Variants in LOXL3 observed in about 807,000 individuals in gnomAD.
The protein encoded by LOXL3 is lysyl oxidase like 3.
In LOXL3, 60 loss-of-function variants were observed where a neutral mutation model predicts 91.8. That is an observed-to-expected ratio of 0.65 (90% CI 0.53 to 0.81). The LOEUF (loss-of-function observed/expected upper bound fraction) is 0.81, where lower values mean the gene tolerates loss of function less well. Among genes scored for constraint, LOXL3 ranks in the 30% least tolerant of loss-of-function variants. The pLI, the probability that LOXL3 is intolerant of heterozygous loss-of-function variation, is 0.00. For synonymous variants in LOXL3, 355 were observed against 387.6 expected, an observed-to-expected ratio of 0.92 and a Z score of 0.99; for missense variants, 874 against 1,000.4, an observed-to-expected ratio of 0.87 and a Z score of 1.70.
chr2:74,548,590 C>T (rs1196918945), intron 4 of LOXL3, among the ~76,000 whole-genome samples: 2 of 152,012 alleles, frequency 1.3e-5, no homozygotes, highest in Non-Finnish European at 2.9e-5. Context: ...ATTTTTGGCT[C>T]GCAAAATAGA....
At position 74,535,504 on chromosome 2, in the gene LOXL3, G is replaced by C; in HGVS notation, c.1417-50C>G. 1.2e-6 allele frequency: 2 copies of C among 1,612,260 alleles called. No individual in the cohort carries two copies. The highest frequency in any genetic ancestry group is 1.7e-6 in the Non-Finnish European group (2 of 1,179,828). Reference sequence around the variant, plus strand: ...GTAAGGCCCAGGATCCAGCATCTTGGGCCAAGGGACTCATTCCTCAGCCCT... The same window carrying C: ...GTAAGGCCCAGGATCCAGCATCTTGCGCCAAGGGACTCATTCCTCAGCCCT... On this transcript the variant is annotated intron_variant, in intron 8 of 13. Coordinates refer to ENST00000264094, the MANE Select transcript of LOXL3 (RefSeq NM_032603.5). The surrounding 1 kb of genome is among the most constrained non-coding windows in gnomAD (Gnocchi z 4.2).
At chr2:74,539,389 C>G (rs1182774776) in intron 4 of LOXL3, among the ~76,000 whole-genome samples, 2 of 151,982 alleles carry the variant, frequency 1.3e-5, no homozygotes, top group Non-Finnish European at 1.5e-5. Flanking sequence ...AATGGGAAAT[C>G]TAGCGATGTC....
At position 74,549,853 on chromosome 2, in the gene LOXL3, A is replaced by G. The variant is rs2104443273; in HGVS notation, c.478-270T>C. The G allele has an allele frequency of 1.0e-6, 1 of 985,440 alleles. No individual in the cohort carries two copies. Among genetic ancestry groups the G allele is most frequent in the Non-Finnish European group, 1.2e-6 (1 of 829,920 alleles). 61.0% of individuals were successfully genotyped at this position (985,440 alleles called of 1,614,324 possible). On this transcript the variant is annotated intron_variant, in intron 3 of 13. Transcript: ENST00000264094. This position sits in a 1 kb window ranked among gnomAD's most constrained non-coding sequence, Gnocchi z 5.3. ...TGCCTGGAGCAGGAGGGAGCACTTC[A>G]AAAAGGAAATGGCTTTGAAGGAGGA...
At position 74,549,742 on chromosome 2, in the gene LOXL3, G is replaced by A. The variant is rs1676874408; in HGVS notation, c.478-159C>T. The A allele has an allele frequency of 6.9e-7, 1 of 1,440,974 alleles. No individual in the cohort carries two copies. Among genetic ancestry groups the A allele is most frequent in the Non-Finnish European group, 9.1e-7 (1 of 1,096,644 alleles). The allele number at this position is 1,440,974 out of a possible 1,614,324, so 89.3% of individuals were successfully genotyped here. A position where few individuals can be genotyped will look rare whatever the true frequency, so the allele number is the denominator to read the frequency against. ...GCGGCCACGATGGCCGCAGTCCGCG[G>A]TGTGGACTCTCTTGCAGCCAGCAGC... On this transcript the variant is annotated intron_variant, in intron 3 of 13. Coordinates refer to ENST00000264094, the MANE Select transcript of LOXL3 (RefSeq NM_032603.5). This position sits in a 1 kb window ranked among gnomAD's most constrained non-coding sequence, Gnocchi z 5.3.
At chr2:74,555,604 T>C, upstream of LOXL3, 1 of 1,614,174 alleles carries the variant, frequency 6.2e-7, no homozygotes. This position sits in a 1 kb window ranked among gnomAD's most constrained non-coding sequence, Gnocchi z 6.1. Flanking sequence ...CGCCTACCGA[T>C]AACCCACCTA....
chr2:74,535,393 G>A lies in LOXL3; in HGVS notation c.1478C>T (p.Thr493Ile), dbSNP rs1675957153. Residue 493 changes from threonine to isoleucine, a missense_variant, in exon 9 of 14, where the codon ACA becomes ATA. Coordinates refer to ENST00000264094, the MANE Select transcript of LOXL3 (RefSeq NM_032603.5). The surrounding 1 kb of genome is among the most constrained non-coding windows in gnomAD (Gnocchi z 4.2). ...CTGATCCAGGGACAGCTCAGTCCCT[G>A]TGCAGCGCACTCCACTCATCACCAC... is the stretch of plus-strand genomic sequence containing the variant. ...TEVVMSGVRCTGTELSLDQCA... is the reference protein window; with the variant it reads ...TEVVMSGVRCIGTELSLDQCA... 1 of 1,614,108 alleles carries A rather than the reference G, an allele frequency of 6.2e-7. No homozygotes were observed. Among genetic ancestry groups the A allele is most frequent in the South Asian group, 1.1e-5 (1 of 91,088 alleles).
rs1438579657 is a variant in LOXL3 at position 74,550,279 on chromosome 2, C to T, written c.383G>A (p.Gly128Asp). 2.5e-6 allele frequency: 4 copies of T among 1,614,138 alleles called. No individual in the cohort carries two copies. Among genetic ancestry groups the T allele is most frequent in the Non-Finnish European group, 2.5e-6 (3 of 1,179,996 alleles). ...EQSVTECASR[G>D]WGNSDCTHDE... ...GTGCGTACAGTCACTGTTCCCCCAGCCCCGGGAGGCACATTCAGTCACACT... is the reference window on the plus strand; with the variant it reads ...GTGCGTACAGTCACTGTTCCCCCAGTCCCGGGAGGCACATTCAGTCACACT... The change falls in exon 3 of 14, where the codon GGC becomes GAC. Residue 128 changes from glycine (G) to aspartate (D), a missense_variant. By Grantham distance (94) the Gly-to-Asp change is moderately conservative. Coordinates refer to ENST00000264094, the MANE Select transcript of LOXL3 (RefSeq NM_032603.5).
chr2:74,554,543 G>C (rs920803911), upstream of LOXL3: 21 of 576,012 alleles, frequency 3.6e-5, no homozygotes, highest in Non-Finnish European at 6.4e-5. This position sits in a 1 kb window ranked among gnomAD's most constrained non-coding sequence, Gnocchi z 4.9. Context: ...CCCCCACGAC[G>C]GCGGGTAGGG....
At position 74,535,766 on chromosome 2, in the gene LOXL3, A is replaced by G. The variant is rs529643720; in HGVS notation, c.1249-11T>C. The stretch of plus-strand genomic sequence containing the variant: ...CCCACTGAGTCGGATCTGTAGTGAC[A>G]CAGAATGGAAGCGCTGGAGAAAGCT... On this transcript the variant is annotated splice_polypyrimidine_tract_variant and intron_variant, in intron 7 of 13. Transcript: ENST00000264094. This position sits in a 1 kb window ranked among gnomAD's most constrained non-coding sequence, Gnocchi z 4.2. 2.6e-5 allele frequency: 41 copies of G among 1,547,882 alleles called. No homozygotes were observed. In the South Asian group the frequency reaches 4.7e-4, roughly 18 times the overall value.
Position 74,535,874 on chromosome 2 carries a change from G to A in LOXL3, c.1249-119C>T, listed in dbSNP as rs1051154955. Reference sequence around the variant, plus strand: ...TAATGGGCTAGCAAGTGATGGGTCAGGTGGGAGCTGCAGGAGGGCAGGGGC... The same window carrying A: ...TAATGGGCTAGCAAGTGATGGGTCAAGTGGGAGCTGCAGGAGGGCAGGGGC... On this transcript the variant is annotated intron_variant, in intron 7 of 13. Coordinates refer to ENST00000264094, the MANE Select transcript of LOXL3 (RefSeq NM_032603.5). The surrounding 1 kb of genome is among the most constrained non-coding windows in gnomAD (Gnocchi z 4.2). 1.7e-5 allele frequency: 25 copies of A among 1,476,376 alleles called. No homozygotes were observed. Among genetic ancestry groups the A allele is most frequent in the Non-Finnish European group, 2.3e-5 (25 of 1,106,902 alleles). 91.5% of individuals were successfully genotyped at this position (1,476,376 alleles called of 1,614,324 possible). A position where few individuals can be genotyped will look rare whatever the true frequency, so the allele number is the denominator to read the frequency against.
rs1320578947 is a variant in LOXL3, at chr2:74,534,312, T to C, written c.1939+4A>G. 6.2e-7 allele frequency: 1 copy of C among 1,614,204 alleles called. No homozygotes were observed. On this transcript the variant is annotated splice_donor_region_variant and intron_variant, in intron 11 of 13. Transcript: ENST00000264094. ...CATGTGGTTCACTTCAGTCCCCAAC[T>C]CACCCTCCTGACACTCAGTGTCTTC...
At position 74,549,539 on chromosome 2, in the gene LOXL3, G is replaced by T. The variant is rs1427925445; in HGVS notation, c.522C>A (p.Ala174=). 1 of 1,612,222 alleles carries T rather than the reference G, an allele frequency of 6.2e-7. No individual in the cohort carries two copies. The highest frequency in any genetic ancestry group is 1.7e-5 in the Admixed American group (1 of 59,954). The change falls in exon 4 of 14, where the codon GCC becomes GCA. Residue 174 remains alanine, a synonymous_variant. Coordinates refer to ENST00000264094, the MANE Select transcript of LOXL3 (RefSeq NM_032603.5). This position sits in a 1 kb window ranked among gnomAD's most constrained non-coding sequence, Gnocchi z 5.3. Reference sequence around the variant, plus strand: ...GCAGGGGTCGTCTGCCCCACCCAACGGCGGGTCGAATTCGCACCTCCTCCA... The same window carrying T: ...GCAGGGGTCGTCTGCCCCACCCAACTGCGGGTCGAATTCGCACCTCCTCCA... ...LQVEEVRIRP[A]VGWGRRPLPV...
In LOXL3 at chr2:74,534,223, C is replaced by A; in HGVS notation, c.1953G>T (p.Arg651=). The A allele has an allele frequency of 1.2e-6, 2 of 1,614,208 alleles. No individual in the cohort carries two copies. Among genetic ancestry groups the A allele is most frequent in the Non-Finnish European group, 1.7e-6 (2 of 1,180,042 alleles). Residue 651 remains arginine, a synonymous_variant, in exon 12 of 14, where the codon CGG becomes CGT. Coordinates refer to ENST00000264094, the MANE Select transcript of LOXL3 (RefSeq NM_032603.5). The part of the protein sequence containing the change: ...DTECQEDVSK[R]YECANFGEQG... ...GCTCTCCAAAGTTGGCACACTCATACCGCTTGGAGACATCTGGAGGGATTG... is the reference window on the plus strand; with the variant it reads ...GCTCTCCAAAGTTGGCACACTCATAACGCTTGGAGACATCTGGAGGGATTG...
chr2:74,534,116 C>T lies in LOXL3; in HGVS notation c.2060G>A (p.Gly687Glu). 2 of 1,614,206 alleles carry T rather than the reference C, an allele frequency of 1.2e-6. No homozygotes were observed. The highest frequency in any genetic ancestry group is 1.7e-6 in the Non-Finnish European group (2 of 1,180,034). Residue 687 changes from glycine to glutamate, a missense_variant, in exon 12 of 14, where the codon GGA becomes GAA. Gly to Glu is a moderately conservative substitution (Grantham distance 98). Coordinates refer to ENST00000264094, the MANE Select transcript of LOXL3 (RefSeq NM_032603.5). Reference sequence around the variant, plus strand: ...TCCAGGTACCTGGAGAATGTAGTTTCCTGGCTTCACATCCGTGATGTCAAT... The same window carrying T: ...TCCAGGTACCTGGAGAATGTAGTTTTCTGGCTTCACATCCGTGATGTCAAT... Reference protein sequence around the residue: ...QWIDITDVKPGNYILQVVINP... With the variant: ...QWIDITDVKPENYILQVVINP...
At chr2:74,545,503 C>A (rs1354385182) in intron 4 of LOXL3, among the ~76,000 whole-genome samples, 1 of 152,214 alleles carries the variant, frequency 6.6e-6, no homozygotes, top group Admixed American at 6.5e-5. Context: ...TCAGTATAAA[C>A]CTACTCTTGC....
intron 4 of LOXL3, among the ~76,000 whole-genome samples, chr2:74,542,042 C>G (rs2104415699): frequency 6.6e-6 from 1 of 152,324 alleles, no homozygotes; most frequent in South Asian, 2.1e-4. Context: ...CCTGTAATCC[C>G]AGCACTTTGG....
Position 74,552,535 on chromosome 2 carries a change from C to T in LOXL3, c.100G>A (p.Glu34Lys), listed in dbSNP as rs755580751. ...AGCCCCTGGCTCCCGGCCTTCTTCT[C>T]AGGGCCCGTGGAAGGGGACGGAGAC... ...LGSPSPSTGP[E>K]KKAGSQGLRF... The change falls in exon 2 of 14, where the codon GAG becomes AAG. Residue 34 changes from glutamate (E) to lysine (K), a missense_variant. Coordinates refer to ENST00000264094, the MANE Select transcript of LOXL3 (RefSeq NM_032603.5). The T allele has an allele frequency of 2.5e-5, 40 of 1,612,926 alleles. 1 individual carries two copies. Among genetic ancestry groups the T allele is most frequent in the South Asian group, 3.3e-5 (3 of 91,046 alleles).
rs1404651292 is a variant in LOXL3 at position 74,534,103 on chromosome 2, G to A, written c.2073C>T (p.Leu691=). 6.2e-7 allele frequency: 1 copy of A among 1,614,118 alleles called. No homozygotes were observed. The highest frequency in any genetic ancestry group is 1.7e-4 in the Middle Eastern group (1 of 6,060). ...ITDVKPGNYI[L]QVVINPNFEV... ...GGAAGCCCCAGACTCCAGGTACCTG[G>A]AGAATGTAGTTTCCTGGCTTCACAT... The change falls in exon 12 of 14, where the codon CTC becomes CTT. Residue 691 remains leucine, a synonymous_variant. Coordinates refer to ENST00000264094, the MANE Select transcript of LOXL3 (RefSeq NM_032603.5).
At chr2:74,538,610 T>C (rs1296774956) in intron 4 of LOXL3, among the ~76,000 whole-genome samples, 1 of 152,082 alleles carries the variant, frequency 6.6e-6, no homozygotes, top group African/African-American at 2.4e-5. Flanking sequence ...TTGTGGAAAA[T>C]GAGCCAGAGA....
Sources: gnomAD v4.1 joint callset for allele counts (sites outside exome capture counted in the v4.1 genomes callset) on GRCh38, gnomAD v4.1.1 for gene constraint, Gnocchi (gnomAD v3.1) non-coding constraint, MANE v1.5 for transcripts, NCBI Gene and HGNC (gene_info 2026-07-23, HGNC 2026-07-21) for gene names.